CAPN10: variants seen among roughly 807,000 people sequenced by gnomAD.
CAPN10 encodes the protein calpain-10.
A neutral mutation model predicts 78.4 loss-of-function variants in CAPN10; 71 were observed. The observed-to-expected ratio is 0.91, with a 90% CI of 0.75 to 1.10. The LOEUF is 1.10. CAPN10 is among the 50% of genes least tolerant of loss of function. The probability of loss-of-function intolerance (pLI) is 0.00; values close to 1 mark genes in which losing one functional copy is unlikely to be tolerated. For missense variants in CAPN10, 849 were observed against 924.6 expected (o/e 0.92, Z 1.06); for synonymous variants, 437 against 407.2 (o/e 1.07, Z -0.88).
intron 3 of CAPN10, 82 bp from the exon 4 acceptor site, chr2:240,591,850 TG>T: frequency 1.6e-6 from 2 of 1,261,938 alleles, no homozygotes; most frequent in Non-Finnish European, 2.2e-6. Context: ...TTGGACGATT[TG>T]GGGTGCTACA....
In CAPN10 at chr2:240,594,606, A is replaced by G. The variant is rs371504920; in HGVS notation, c.894A>G (p.Glu298=). ...CTGAGCTCCTGTCCCAGCTCCAGGA[A>G]GGGGAGTTCTGGGTGGAGGAGGAGG... ...VASELLSQLQ[E]GEFWVEEEEF... Residue 298 remains glutamate, a synonymous_variant, in exon 6 of 12, where the codon GAA becomes GAG. Transcript: ENST00000391984. The G allele has an allele frequency of 6.2e-7, 1 of 1,613,890 alleles. No individual in the cohort carries two copies. The highest frequency in any genetic ancestry group is 8.5e-7 in the Non-Finnish European group (1 of 1,179,948).
rs2093099282 is a variant in CAPN10 at position 240,591,114 on chromosome 2, C to T, written c.470+103C>T. On this transcript the variant is annotated intron_variant, in intron 3 of 11. Transcript: ENST00000391984. ...CTCTGCTCACTCTGGGCTGCAGAGC[C>T]CCCTTCAGTTCTGAGGGTCTGGCAG... The T allele has an allele frequency of 1.2e-5, 13 of 1,057,034 alleles. No individual in the cohort carries two copies. In the South Asian group the frequency reaches 1.9e-4, roughly 15 times the overall value. 65.5% of individuals were successfully genotyped at this position (1,057,034 alleles called of 1,614,324 possible). A position where few individuals can be genotyped will look rare whatever the true frequency, so the allele number is the denominator to read the frequency against.
At position 240,597,980 on chromosome 2, in the gene CAPN10, G is replaced by T. The variant is rs2125467351; in HGVS notation, c.1836G>T (p.Val612=). 6.2e-7 allele frequency: 1 copy of T among 1,613,072 alleles called. No homozygotes were observed. Among genetic ancestry groups the T allele is most frequent in the Non-Finnish European group, 8.5e-7 (1 of 1,179,950 alleles). Residue 612 remains valine (V), a synonymous_variant, in exon 10 of 12, where the codon GTG becomes GTT. Transcript: ENST00000391984. ...TGCCACATCGCTACGCCCAGGAGGTGAGCCGGCTCTGCCTCCTGCCTGCGG... is the reference window on the plus strand; with the variant it reads ...TGCCACATCGCTACGCCCAGGAGGTTAGCCGGCTCTGCCTCCTGCCTGCGG... The part of the protein sequence containing the change: ...SCVPHRYAQE[V]SRLCLLPAGT...
chr2:240,594,278 G>C, intron 5 of CAPN10: 1 of 578,448 alleles, frequency 1.7e-6, no homozygotes, highest in Non-Finnish European at 3.0e-6. Context: ...ACATCATCAC[G>C]GGCTCGGGCA....
In CAPN10 at chr2:240,595,320, C is replaced by G. The variant is rs1225243617; in HGVS notation, c.1278+16C>G. 5.0e-6 allele frequency: 8 copies of G among 1,609,802 alleles called. No individual in the cohort carries two copies. Among genetic ancestry groups the G allele is most frequent in the Non-Finnish European group, 6.8e-6 (8 of 1,179,638 alleles). ...CCTCTGGAAGGTAACTCAGCCCCGT[C>G]TGGCTCACGCTCGGTTCAGCAGGTG... On this transcript the variant is annotated intron_variant, in intron 7 of 11. Transcript: ENST00000391984.
In CAPN10 at chr2:240,595,315, C is replaced by G; in HGVS notation, c.1278+11C>G. The G allele has an allele frequency of 6.2e-7, 1 of 1,611,232 alleles. No individual in the cohort carries two copies. The highest frequency in any genetic ancestry group is 8.5e-7 in the Non-Finnish European group (1 of 1,179,786). ...CTGCACCTCTGGAAGGTAACTCAGC[C>G]CCGTCTGGCTCACGCTCGGTTCAGC... On this transcript the variant is annotated intron_variant, in intron 7 of 11. Coordinates refer to ENST00000391984, the MANE Select transcript of CAPN10 (RefSeq NM_023083.4).
At chr2:240,594,334 A>G (rs1312887916) in intron 5 of CAPN10, 3 of 638,954 alleles carry the variant, frequency 4.7e-6, no homozygotes, top group Non-Finnish European at 8.2e-6. Context: ...TCCTCTGGGA[A>G]AAGAGAGGGC....
At chr2:240,595,343 G>A (rs2093130173) in intron 7 of CAPN10, 39 bp downstream of exon 7, 1 of 1,598,572 alleles carries the variant, frequency 6.3e-7, no homozygotes, top group African/African-American at 1.3e-5. Context: ...GGTTCAGCAG[G>A]TGGTGTGGAG....
At chr2:240,587,270 G>A (rs1176668699) in intron 1 of CAPN10, among the ~76,000 whole-genome samples, 2 of 152,252 alleles carry the variant, frequency 1.3e-5, no homozygotes, top group African/African-American at 4.8e-5. Flanking sequence ...CGCTAAACTA[G>A]GTCGTGGCCT....
In CAPN10 at chr2:240,589,523, G is replaced by A. The variant is rs70961717; in HGVS notation, c.273+49G>A. On this transcript the variant is annotated intron_variant, in intron 2 of 11. Transcript: ENST00000391984. ...TGTCCTGGAGCCGGTTTCTTTTTGC[G>A]TTTCTCCAGCCTGCTGAGTACCAGG... The A allele has an allele frequency of 5.2e-5, 81 of 1,563,974 alleles. 1 individual carries two copies. The East Asian group carries it at 1.3e-3, about 26-fold the overall frequency.
intron 2 of CAPN10, chr2:240,590,601 G>A: frequency 1.8e-6 from 1 of 556,244 alleles, no homozygotes; most frequent in South Asian, 2.3e-5. Context: ...GTGCCGTAGA[G>A]TTCTCTGCGA....
intron 6 of CAPN10, 97 bp from the exon 7 acceptor site, chr2:240,594,927 C>A: frequency 8.0e-7 from 1 of 1,249,024 alleles, no homozygotes. Flanking sequence ...GTGGCCGTAG[C>A]TGCTGCTTAG....
In CAPN10 at chr2:240,599,100, T is replaced by G; in HGVS notation, c.*420T>G. The G allele has an allele frequency of 5.0e-6, 1 of 198,450 alleles. No homozygotes were observed. The highest frequency in any genetic ancestry group is 1.0e-5 in the Non-Finnish European group (1 of 95,794). The allele number at this position is 198,450 out of a possible 1,614,324, so 12.3% of individuals were successfully genotyped here. On this transcript the variant is annotated 3_prime_UTR_variant, in exon 12 of 12. Transcript: ENST00000391984. The stretch of plus-strand genomic sequence containing the variant: ...ATAAATAAACATGAGCGCTGATGAT[T>G]TGCAGATCAGTCTTGCTCCAGGTAG...
chr2:240,594,615 C>T lies in CAPN10; in HGVS notation c.903C>T (p.Phe301=), dbSNP rs1356191788. The T allele has an allele frequency of 6.2e-7, 1 of 1,613,968 alleles. No individual in the cohort carries two copies. Among genetic ancestry groups the T allele is most frequent in the South Asian group, 1.1e-5 (1 of 91,078 alleles). Residue 301 remains phenylalanine, a synonymous_variant, in exon 6 of 12, where the codon TTC becomes TTT. Transcript: ENST00000391984. ...TGTCCCAGCTCCAGGAAGGGGAGTT[C>T]TGGGTGGAGGAGGAGGAGTTCCTCA... ...ELLSQLQEGE[F]WVEEEEFLRE...
chr2:240,595,866 G>T (rs1559426490), intron 7 of CAPN10: 79 of 1,126,612 alleles, frequency 7.0e-5, no homozygotes, highest in Non-Finnish European at 9.6e-5. Context: ...CAAAGGGCCT[G>T]AGTGTGGGTC....
At position 240,592,000 on chromosome 2, in the gene CAPN10, G is replaced by A. The variant is rs764148287; in HGVS notation, c.538G>A (p.Gly180Ser). Residue 180 changes from glycine to serine, a missense_variant, in exon 4 of 12, where the codon GGC (glycine) becomes AGC (serine). Physicochemically the swap from Gly to Ser is moderately conservative, Grantham distance 56. Coordinates refer to ENST00000391984, the MANE Select transcript of CAPN10 (RefSeq NM_023083.4). ...GGATGCCCTGGTGGACCTGACCGGC[G>A]GCCTGGCAGAAAGATGGAACCTGAA... ...VADALVDLTGGLAERWNLKGV... is the reference protein window; with the variant it reads ...VADALVDLTGSLAERWNLKGV... 7.6e-5 allele frequency: 122 copies of A among 1,613,356 alleles called. No homozygotes were observed. Among genetic ancestry groups the A allele is most frequent in the Middle Eastern group, 3.3e-4 (2 of 6,062 alleles).
chr2:240,593,566 G>C (rs893657746), intron 4 of CAPN10, among the ~76,000 whole-genome samples: 4 of 152,356 alleles, frequency 2.6e-5, no homozygotes, highest in South Asian at 2.1e-4. Context: ...AGATGCATCT[G>C]TGCAGCATGT....
rs762318743 is a variant in CAPN10, at chr2:240,589,378, C to T, written c.177C>T (p.Asp59=). 1 of 1,614,140 alleles carries T rather than the reference C, an allele frequency of 6.2e-7. No individual in the cohort carries two copies. The highest frequency in any genetic ancestry group is 2.2e-5 in the East Asian group (1 of 44,882). The change falls in exon 2 of 12, where the codon GAC becomes GAT. Residue 59 remains aspartate (D), a synonymous_variant. Coordinates refer to ENST00000391984, the MANE Select transcript of CAPN10 (RefSeq NM_023083.4). ...CCACACCCCGGCTGTTTCCAGATGA[C>T]CCACGGGAAGGGCAGGTGAAGCAGG... The part of the protein sequence containing the change: ...ICATPRLFPD[D]PREGQVKQGL...
intron 3 of CAPN10, 114 bp from the exon 4 acceptor site, chr2:240,591,819 G>T: frequency 1.2e-6 from 1 of 848,530 alleles, no homozygotes. Flanking sequence ...GGGGAGTAAA[G>T]AGGTGGGATT....
Sources: allele counts gnomAD v4.1 joint callset (sites outside exome capture counted in the v4.1 genomes callset), GRCh38; gene constraint gnomAD v4.1.1; transcripts MANE v1.5; gene names NCBI Gene and HGNC (gene_info 2026-07-23, HGNC 2026-07-21).